The following URI1 variants were observed in gnomAD, a reference collection of about 807,000 sequenced individuals.
URI1 encodes the protein URI1 prefoldin like chaperone, also known as unconventional prefoldin RPB5 interactor 1.
A neutral mutation model predicts 60.2 loss-of-function variants in URI1; 39 were observed. The ratio of observed to expected loss-of-function variants is 0.65; its 90% CI spans 0.50 to 0.85. The LOEUF (loss-of-function observed/expected upper bound fraction) is 0.85. URI1 is among the 40% of genes least tolerant of loss of function. The probability of loss-of-function intolerance (pLI) is 0.00; values close to 1 mark genes in which losing one functional copy is unlikely to be tolerated. For synonymous variants in URI1, 251 were observed against 236.8 expected, an observed-to-expected ratio of 1.06 and a Z score of -0.55; for missense variants, 691 against 665.9, an observed-to-expected ratio of 1.04 and a Z score of -0.42.
chr19:29,985,263 C>T lies in URI1; in HGVS notation c.193C>T (p.Leu65Phe), dbSNP rs1179516967. 1.3e-6 allele frequency: 2 copies of T among 1,593,922 alleles called. No individual in the cohort carries two copies. Among genetic ancestry groups the T allele is most frequent in the East Asian group, 2.3e-5 (1 of 43,590 alleles). Residue 65 changes from leucine (L) to phenylalanine (F), a missense_variant, in exon 3 of 11, where the codon CTC becomes TTC. Coordinates refer to ENST00000392271, the MANE Select transcript of URI1 (RefSeq NM_003796.3). ...DNDYNALRER[L>F]STLPDKLSYN... ...TGACTATAATGCCCTTCGAGAAAGA[C>T]TCAGCACCTTGCCTGATAAATTGTC...
At chr19:29,965,953 A>G (rs1047593428) in intron 1 of URI1, among the ~76,000 whole-genome samples, 2 of 152,226 alleles carry the variant, frequency 1.3e-5, no homozygotes, top group African/African-American at 4.8e-5. Flanking sequence ...CTAAAACATA[A>G]AGGTAAAGAT....
At chr19:29,955,911 A>ATT in intron 1 of URI1, among the ~76,000 whole-genome samples, 1 of 151,580 alleles carries the variant, frequency 6.6e-6, no homozygotes, top group Non-Finnish European at 1.5e-5. Context: ...TTCTTACAAA[A>ATT]GAGGCAGTAA....
intron 1 of URI1, among the ~76,000 whole-genome samples, chr19:29,962,744 A>G (rs2055342546): frequency 6.6e-6 from 1 of 151,844 alleles, no homozygotes. Context: ...AATTTTTTTG[A>G]TAAGACATTT....
chr19:29,936,052 C>G (rs11673041), intron 1 of URI1, among the ~76,000 whole-genome samples: 1 of 152,074 alleles, frequency 6.6e-6, no homozygotes, highest in Non-Finnish European at 1.5e-5. Flanking sequence ...TCCCAAAGTG[C>G]TGGGATTATA....
rs1464932587 is a variant in URI1 at position 29,927,694 on chromosome 19, A to T, written c.63+3940A>T. Among the ~76,000 whole-genome samples, 5 of 149,148 alleles carry T rather than the reference A, an allele frequency of 3.4e-5. No individual in the cohort carries two copies. The East Asian group carries it at 1.0e-3, about 30-fold the overall frequency. The stretch of plus-strand genomic sequence containing the variant: ...TGGGTTCAACCAATTCTCATGCCTC[A>T]GCCTCCCCAGTAGCTGGGATTACAG... On this transcript the variant is annotated intron_variant, in intron 1 of 10. Coordinates refer to the URI1 transcript ENST00000360605.
chr19:29,959,627 T>A (rs2145286280), intron 1 of URI1, among the ~76,000 whole-genome samples: 2 of 152,332 alleles, frequency 1.3e-5, no homozygotes, highest in South Asian at 4.1e-4. Flanking sequence ...CTTTCTAAGT[T>A]TTCAAGCTTG....
intron 2 of URI1, among the ~76,000 whole-genome samples, chr19:29,983,043 G>GT (rs1201145880): frequency 7.9e-5 from 12 of 152,114 alleles, no homozygotes; most frequent in South Asian, 2.1e-4. Context: ...TGTGCATGAA[G>GT]TTTTTTTGCC....
chr19:29,996,105 C>T (rs916620213), intron 4 of URI1, among the ~76,000 whole-genome samples: 2 of 151,796 alleles, frequency 1.3e-5, no homozygotes, highest in Non-Finnish European at 2.9e-5. Flanking sequence ...CTTGAGACTC[C>T]ATGTGAATTT....
intron 4 of URI1, among the ~76,000 whole-genome samples, chr19:29,991,982 T>C (rs977136035): frequency 6.6e-6 from 1 of 152,174 alleles, no homozygotes; most frequent in African/African-American, 2.4e-5. Context: ...ATTTGATACA[T>C]TGAGCTTTTT....
intron 4 of URI1, among the ~76,000 whole-genome samples, chr19:29,994,263 A>G (rs931746831): frequency 2.9e-4 from 44 of 152,100 alleles, no homozygotes; most frequent in African/African-American, 1.0e-3. Context: ...GCCCCCTGGC[A>G]CTGCTAACTA....
chr19:29,928,178 C>G (rs549928616), intron 1 of URI1, among the ~76,000 whole-genome samples: 2 of 152,082 alleles, frequency 1.3e-5, no homozygotes, highest in African/African-American at 4.8e-5. Flanking sequence ...TGAATGAGAG[C>G]TGCCCGGCTG....
intron 4 of URI1, among the ~76,000 whole-genome samples, chr19:29,992,699 T>G (rs2055761955): frequency 6.6e-6 from 1 of 152,232 alleles, no homozygotes; most frequent in Non-Finnish European, 1.5e-5. Flanking sequence ...AATTCTTTTT[T>G]ACGTTAGAGA....
chr19:29,923,846 A>G (rs1195312403), intron 1 of URI1: 33 of 1,267,082 alleles, frequency 2.6e-5, no homozygotes, highest in Non-Finnish European at 3.6e-5. Flanking sequence ...TCAGAGAAAC[A>G]GAATGAACAA....
chr19:30,000,044 T>G (rs925848836), intron 4 of URI1, among the ~76,000 whole-genome samples: 1 of 151,984 alleles, frequency 6.6e-6, no homozygotes, highest in Admixed American at 6.6e-5. Context: ...CATGTAGCAT[T>G]TTTACATGTC....
chr19:29,958,853 G>A (rs548315702), intron 1 of URI1, among the ~76,000 whole-genome samples: 37 of 151,802 alleles, frequency 2.4e-4, no homozygotes, highest in African/African-American at 8.0e-4. Context: ...CCAGCTACTC[G>A]GAAGGTTGAG....
intron 8 of URI1, 59 bp from the exon 9 acceptor site, chr19:30,011,035 T>C: frequency 6.4e-7 from 1 of 1,551,646 alleles, no homozygotes; most frequent in Non-Finnish European, 8.7e-7. Flanking sequence ...TTATTTGTTT[T>C]GGTTTCACTT....
intron 4 of URI1, among the ~76,000 whole-genome samples, chr19:29,988,331 C>T (rs560089712): frequency 7.9e-5 from 12 of 152,304 alleles, no homozygotes; most frequent in African/African-American, 2.9e-4. Flanking sequence ...ACATAGTCAT[C>T]TATGTCATGG....
At chr19:29,982,013 A>G (rs2145361229) in intron 2 of URI1, among the ~76,000 whole-genome samples, 1 of 152,318 alleles carries the variant, frequency 6.6e-6, no homozygotes, top group South Asian at 2.1e-4. Context: ...TAAGCCTGAA[A>G]TAATAGAGAT....
rs73543769 is a variant in URI1 at position 29,953,541 on chromosome 19, A to G, written c.117+10877A>G. On this transcript the variant is annotated intron_variant, in intron 1 of 10. Coordinates refer to ENST00000392271, the MANE Select transcript of URI1 (RefSeq NM_003796.3). ...ATTGAAAGCGAAAAGCAGAGTACAAAGATGGTGTCTGTTATCATTTATACT... is the reference window on the plus strand; with the variant it reads ...ATTGAAAGCGAAAAGCAGAGTACAAGGATGGTGTCTGTTATCATTTATACT... Among the ~76,000 whole-genome samples, 1,141 of 152,340 alleles carry G rather than the reference A, an allele frequency of 7.5e-3. 22 individuals carry two copies. The highest frequency in any genetic ancestry group is 0.026 in the African/African-American group (1,080 of 41,582).
Sources: allele counts gnomAD v4.1 joint callset (sites outside exome capture counted in the v4.1 genomes callset), GRCh38; gene constraint gnomAD v4.1.1; transcripts MANE v1.5; gene names NCBI Gene and HGNC (gene_info 2026-07-23, HGNC 2026-07-21).